The following CDH18 variants were observed in gnomAD, a reference collection of about 807,000 sequenced individuals.
CDH18 encodes the protein cadherin 18.
In CDH18, 31 loss-of-function variants were observed where a neutral mutation model predicts 67.9. The observed-to-expected ratio is 0.46, with a 90% confidence interval of 0.34 to 0.62. CDH18 has a LOEUF of 0.62. Ranked by LOEUF, CDH18 falls within the 20% of genes least tolerant of loss-of-function variation. CDH18 has a pLI of 0.01. For missense variants in CDH18, 890 were observed against 975.5 expected (o/e 0.91, Z 1.17); for synonymous variants, 362 against 347.2 (o/e 1.04, Z -0.48).
intron 7 of CDH18, among the ~76,000 whole-genome samples, chr5:19,588,021 C>T (rs183169981): frequency 2.5e-4 from 38 of 151,818 alleles, no homozygotes; most frequent in Non-Finnish European, 3.5e-4. Flanking sequence ...TTAACCATAT[C>T]GCTAGGTATT....
At chr5:19,483,251 C>T (rs201933341) in intron 12 of CDH18, 50 bp downstream of exon 12, 8 of 1,549,058 alleles carry the variant, frequency 5.2e-6, no homozygotes, top group Non-Finnish European at 1.8e-6. Flanking sequence ...AAATGATTCC[C>T]TCTCATTCAG....
chr5:20,344,010 G>A (rs182275803), intron 1 of CDH18, among the ~76,000 whole-genome samples: 44 of 152,178 alleles, frequency 2.9e-4, no homozygotes, highest in African/African-American at 1.0e-3. Flanking sequence ...GATCTGGAAG[G>A]GCTCCATAAA....
intron 2 of CDH18, among the ~76,000 whole-genome samples, chr5:19,873,772 C>T (rs905261757): frequency 9.9e-5 from 15 of 152,104 alleles, no homozygotes; most frequent in African/African-American, 2.7e-4. Context: ...CTCACCCTCC[C>T]GAGTAGCTGG....
At chr5:19,669,071 A>T (rs940621189) in intron 5 of CDH18, among the ~76,000 whole-genome samples, 1 of 148,998 alleles carries the variant, frequency 6.7e-6, no homozygotes, top group African/African-American at 2.4e-5. Flanking sequence ...TTCAGAGCAT[A>T]ATGATTACTT....
At chr5:20,518,746 C>T (rs1012610101) in intron 1 of CDH18, among the ~76,000 whole-genome samples, 3 of 152,100 alleles carry the variant, frequency 2.0e-5, no homozygotes, top group African/African-American at 4.8e-5. Flanking sequence ...ACAGTTTATC[C>T]GTCGTATTCA....
chr5:19,751,857 TCAGA>T (rs1283236458), intron 3 of CDH18, among the ~76,000 whole-genome samples: 1 of 152,178 alleles, frequency 6.6e-6, no homozygotes, highest in Non-Finnish European at 1.5e-5. Context: ...CAGCTATAAC[TCAGA>T]CAGACAGAGC....
chr5:20,541,450 C>T (rs903542928), intron 1 of CDH18, among the ~76,000 whole-genome samples: 6 of 151,970 alleles, frequency 3.9e-5, no homozygotes, highest in African/African-American at 1.4e-4. Context: ...TATAGTTTTA[C>T]CTTTTATACA....
At chr5:19,700,888 A>C (rs1314096120) in intron 5 of CDH18, among the ~76,000 whole-genome samples, 2 of 152,178 alleles carry the variant, frequency 1.3e-5, no homozygotes, top group African/African-American at 4.8e-5. Context: ...ATTAGGAAAT[A>C]GAAATTTTGT....
chr5:19,754,410 G>T (rs1771255359), intron 3 of CDH18, among the ~76,000 whole-genome samples: 1 of 152,040 alleles, frequency 6.6e-6, no homozygotes, highest in Non-Finnish European at 1.5e-5. Flanking sequence ...AGTTAAAAAG[G>T]GCAAAGAGGG....
rs560797163 is a variant in CDH18, at chr5:19,998,192, G to A, written c.-517-6178C>T. Among the ~76,000 whole-genome samples the A allele has an allele frequency of 4.6e-5, 7 of 152,206 alleles. 1 individual carries two copies. In the East Asian group the frequency reaches 1.4e-3, roughly 29 times the overall value. On this transcript the variant is annotated intron_variant, in intron 2 of 14. Coordinates refer to the CDH18 transcript ENST00000507958. The stretch of plus-strand genomic sequence containing the variant: ...TTAGGGGAGTAAAATTCAATACATG[G>A]GGACCAGTTTAGAAGTTATCCAGAA...
At chr5:19,628,556 G>T (rs1751914804) in intron 5 of CDH18, among the ~76,000 whole-genome samples, 1 of 151,938 alleles carries the variant, frequency 6.6e-6, no homozygotes, top group South Asian at 2.1e-4. Context: ...ATAGTCATGT[G>T]GTGTGAAAGG....
intron 1 of CDH18, among the ~76,000 whole-genome samples, chr5:20,360,277 A>G (rs879752208): frequency 5.3e-5 from 8 of 152,090 alleles, no homozygotes; most frequent in Non-Finnish European, 1.0e-4. Context: ...TTTGTAGCTA[A>G]GTTGCTTCTC....
At chr5:19,660,975 T>TG (rs1283662706) in intron 5 of CDH18, among the ~76,000 whole-genome samples, 7 of 149,318 alleles carry the variant, frequency 4.7e-5, no homozygotes, top group Non-Finnish European at 7.4e-5. Flanking sequence ...ACAATAACGG[T>TG]GAAAAAAAAA....
chr5:19,501,093 A>G (rs557280538), intron 11 of CDH18, among the ~76,000 whole-genome samples: 53 of 151,618 alleles, frequency 3.5e-4, no homozygotes, highest in African/African-American at 1.2e-3. Context: ...AGATCACGCC[A>G]TTACAATTCA....
At chr5:20,255,689 C>T (rs1484210417) in intron 1 of CDH18, among the ~76,000 whole-genome samples, 1 of 151,486 alleles carries the variant, frequency 6.6e-6, no homozygotes, top group Non-Finnish European at 1.5e-5. Context: ...TAGGGCATGA[C>T]ATTTTGAAAC....
intron 1 of CDH18, among the ~76,000 whole-genome samples, chr5:20,293,324 C>A (rs922594994): frequency 1.5e-4 from 23 of 151,390 alleles, no homozygotes; most frequent in Non-Finnish European, 2.7e-4. Context: ...CTCAAAAAAA[C>A]AAAACAAAAC....
chr5:19,534,029 T>A (rs1326543008), intron 9 of CDH18, among the ~76,000 whole-genome samples: 1 of 152,174 alleles, frequency 6.6e-6, no homozygotes, highest in Non-Finnish European at 1.5e-5. Flanking sequence ...ATACTAACAC[T>A]GGGATATTGC....
At position 19,677,125 on chromosome 5, in the gene CDH18, A is replaced by G. The variant is rs556545504; in HGVS notation, c.643+44222T>C. 4.6e-5 allele frequency among the ~76,000 whole-genome samples: 7 copies of G among 152,206 alleles called. No individual in the cohort carries two copies. In the East Asian group the frequency reaches 1.4e-3, roughly 29 times the overall value. ...AGTCATCAGATTCTCCAAGGCCAAA[A>G]TGAAAGAAAAAATGTTAAATGCAGC... On this transcript the variant is annotated intron_variant, in intron 5 of 12. Coordinates refer to ENST00000382275, the MANE Select transcript of CDH18 (RefSeq NM_004934.5).
At chr5:19,774,462 T>A (rs145926336) in intron 3 of CDH18, among the ~76,000 whole-genome samples, 2 of 146,290 alleles carry the variant, frequency 1.4e-5, no homozygotes, top group African/African-American at 2.7e-5. Flanking sequence ...AAATAAATCA[T>A]AGTAAGGGGA....
Sources: gnomAD v4.1 joint callset for allele counts (sites outside exome capture counted in the v4.1 genomes callset) on GRCh38, gnomAD v4.1.1 for gene constraint, MANE v1.5 for transcripts, NCBI Gene and HGNC (gene_info 2026-07-23, HGNC 2026-07-21) for gene names.